The following PABPC4L variants were observed in gnomAD, a reference collection of about 807,000 sequenced individuals.
PABPC4L encodes the protein polyadenylate-binding protein 4-like.
For missense variants in PABPC4L, 452 were observed against 451.4 expected (o/e 1.00, Z -0.01); for synonymous variants, 169 against 164.1 (o/e 1.03, Z -0.23).
At chr4:133,995,598 A>C in the PABPC4L span, among the ~76,000 whole-genome samples, 1 of 152,182 alleles carries the variant, frequency 6.6e-6, no homozygotes, top group Non-Finnish European at 1.5e-5. Flanking sequence ...GAACATTTAT[A>C]AAAGATCTCT....
the PABPC4L span, among the ~76,000 whole-genome samples, chr4:133,976,817 T>G: frequency 1.3e-5 from 2 of 152,180 alleles, no homozygotes; most frequent in African/African-American, 4.8e-5. Flanking sequence ...TGTTTGTTTA[T>G]TCCTTGTAAA....
At chr4:134,105,577 C>T in the PABPC4L span, among the ~76,000 whole-genome samples, 13 of 151,476 alleles carry the variant, frequency 8.6e-5, no homozygotes, top group African/African-American at 3.1e-4. Context: ...ATATAATTTA[C>T]ATTTTAAAAT....
At chr4:133,981,990 G>C in the PABPC4L span, among the ~76,000 whole-genome samples, 11 of 151,984 alleles carry the variant, frequency 7.2e-5, no homozygotes, top group African/African-American at 2.2e-4. Context: ...TAAAGTTACT[G>C]TATAGGGACA....
chr4:134,200,104 C>G lies in PABPC4L; in HGVS notation c.916G>C (p.Asp306His), dbSNP rs1428781612. 6.4e-7 allele frequency: 1 copy of G among 1,551,640 alleles called. No individual in the cohort carries two copies. Among genetic ancestry groups the G allele is most frequent in the East Asian group, 2.4e-5 (1 of 40,922 alleles). The change falls in exon 2 of 2, where the codon GAT becomes CAT. Residue 306 changes from aspartate (D) to histidine (H), a missense_variant. Asp to His is a moderately conservative substitution (Grantham distance 81, BLOSUM62 -1). Coordinates refer to ENST00000421491, the MANE Select transcript of PABPC4L (RefSeq NM_001114734.2). ...GAAAATTCGTTTCGTAGTTTTTCATCATCGATGGTGTCATCAAGGTTCTTA... is the reference window on the plus strand; with the variant it reads ...GAAAATTCGTTTCGTAGTTTTTCATGATCGATGGTGTCATCAAGGTTCTTA... ...YIKNLDDTID[D>H]EKLRNEFSSF... is the part of the protein sequence containing the mutation.
chr4:134,130,983 A>G, the PABPC4L span, among the ~76,000 whole-genome samples: 3 of 152,260 alleles, frequency 2.0e-5, no homozygotes, highest in South Asian at 6.2e-4. Flanking sequence ...ATTTCACAAA[A>G]TACATCATCC....
chr4:133,988,199 A>C, the PABPC4L span, among the ~76,000 whole-genome samples: 1 of 152,102 alleles, frequency 6.6e-6, no homozygotes, highest in Non-Finnish European at 1.5e-5. Flanking sequence ...ACCCCTCCCA[A>C]ATATTATGTT....
chr4:134,125,378 T>C, the PABPC4L span, among the ~76,000 whole-genome samples: 2 of 152,210 alleles, frequency 1.3e-5, no homozygotes, highest in East Asian at 1.9e-4. Flanking sequence ...TAGTTACATA[T>C]GTATACATGT....
At chr4:134,097,715 C>T in the PABPC4L span, among the ~76,000 whole-genome samples, 3 of 151,860 alleles carry the variant, frequency 2.0e-5, no homozygotes, top group Non-Finnish European at 4.4e-5. Flanking sequence ...AATCACGACT[C>T]GACTCTAACA....
At chr4:134,057,021 T>C in the PABPC4L span, among the ~76,000 whole-genome samples, 1 of 152,080 alleles carries the variant, frequency 6.6e-6, no homozygotes, top group Non-Finnish European at 1.5e-5. Flanking sequence ...CTAGAGGTTT[T>C]TTGTATACTT....
chr4:134,071,783 A>G, the PABPC4L span, among the ~76,000 whole-genome samples: 1 of 152,196 alleles, frequency 6.6e-6, no homozygotes, highest in South Asian at 2.1e-4. Context: ...AAGTGAAACA[A>G]TTTAGAAAAA....
the PABPC4L span, among the ~76,000 whole-genome samples, chr4:134,128,395 A>T: frequency 2.6e-5 from 4 of 152,160 alleles, no homozygotes; most frequent in Non-Finnish European, 5.9e-5. Flanking sequence ...AGGAAAGAAT[A>T]TTAAGAGCTG....
the PABPC4L span, among the ~76,000 whole-genome samples, chr4:134,019,129 A>G: frequency 3.6e-3 from 552 of 152,270 alleles, 2 homozygotes; most frequent in African/African-American, 0.012. Context: ...TATGGCTTAG[A>G]GGATAATTAT....
At chr4:134,159,684 A>G in the PABPC4L span, among the ~76,000 whole-genome samples, 9 of 152,106 alleles carry the variant, frequency 5.9e-5, no homozygotes, top group Non-Finnish European at 8.8e-5. Flanking sequence ...AGGGGCCCCA[A>G]ATAAATTTCA....
chr4:133,995,243 A>T, the PABPC4L span, among the ~76,000 whole-genome samples: 1 of 152,112 alleles, frequency 6.6e-6, no homozygotes, highest in Non-Finnish European at 1.5e-5. Context: ...TTCCCACGTT[A>T]CCTTGGTCTC....
At chr4:134,064,419 C>A in the PABPC4L span, among the ~76,000 whole-genome samples, 2 of 151,850 alleles carry the variant, frequency 1.3e-5, no homozygotes, top group East Asian at 1.9e-4. Context: ...AGATGGGGAC[C>A]ACTTGGTTGA....
chr4:134,144,128 C>A, the PABPC4L span, among the ~76,000 whole-genome samples: 2,117 of 151,450 alleles, frequency 0.014, 42 homozygotes, highest in African/African-American at 0.048. Flanking sequence ...TGTTATAGTA[C>A]CTTTTTCTTT....
downstream of PABPC4L, among the ~76,000 whole-genome samples, chr4:134,191,730 G>A (rs1004836449): frequency 5.3e-5 from 8 of 151,892 alleles, no homozygotes; most frequent in African/African-American, 7.3e-5. Flanking sequence ...CCCTAAAGCC[G>A]TGCTGAAGGG....
At chr4:134,013,613 A>T in the PABPC4L span, among the ~76,000 whole-genome samples, 1 of 152,070 alleles carries the variant, frequency 6.6e-6, no homozygotes, top group African/African-American at 2.4e-5. Flanking sequence ...TACAAGATCT[A>T]AATAATTCTT....
chr4:134,145,933 T>C, the PABPC4L span, among the ~76,000 whole-genome samples: 8 of 151,988 alleles, frequency 5.3e-5, no homozygotes, highest in Admixed American at 5.3e-4. Flanking sequence ...AAAATGGTCC[T>C]AAATGCTCAC....
Sources: allele counts gnomAD v4.1 joint callset (sites outside exome capture counted in the v4.1 genomes callset), GRCh38; gene constraint gnomAD v4.1.1; transcripts MANE v1.5; gene names NCBI Gene and HGNC (gene_info 2026-07-23, HGNC 2026-07-21).